Variants in PYROXD2 observed in about 807,000 individuals in gnomAD.
PYROXD2 encodes the protein pyridine nucleotide-disulphide oxidoreductase domain 2, also known as pyridine nucleotide-disulfide oxidoreductase domain-containing protein 2.
A neutral mutation model predicts 71.1 loss-of-function variants in PYROXD2; 69 were observed. That is an observed-to-expected ratio of 0.97 (90% CI 0.80 to 1.19). The LOEUF is 1.19. PYROXD2 is among the 50% of genes most tolerant of loss of function. The pLI, the probability that PYROXD2 is intolerant of heterozygous loss-of-function variation, is 0.00. For synonymous variants in PYROXD2, 287 were observed against 302.7 expected (o/e 0.95, Z 0.54); for missense variants, 745 against 748.9 (o/e 0.99, Z 0.06).
chr10:98,408,826 C>T (rs1468539182), intron 2 of PYROXD2, among the ~76,000 whole-genome samples: 1 of 152,202 alleles, frequency 6.6e-6, no homozygotes, highest in Non-Finnish European at 1.5e-5. Flanking sequence ...CTATTATGTG[C>T]CAGAAGCAGT....
chr10:98,387,229 A>C lies in PYROXD2; in HGVS notation c.1526T>G (p.Leu509Trp), dbSNP rs1413661031. The change falls in exon 14 of 16, where the codon TTG becomes TGG. Residue 509 changes from leucine (L) to tryptophan (W), a missense_variant. Transcript: ENST00000370575. ...TCCAGGAAGCCCGAAGATTCTCTCC[A>C]AATCTGGTGGTGTGAGGATGTCTCT... is the stretch of plus-strand genomic sequence containing the variant. ...VGRDILTPPD[L>W]ERIFGLPGGN... The C allele has an allele frequency of 6.8e-6, 11 of 1,614,154 alleles. No homozygotes were observed. The highest frequency in any genetic ancestry group is 9.3e-6 in the Non-Finnish European group (11 of 1,179,988).
chr10:98,390,796 G>T, intron 11 of PYROXD2, 42 bp from the exon 12 acceptor site: 3 of 1,540,570 alleles, frequency 1.9e-6, no homozygotes, highest in Non-Finnish European at 2.6e-6. Flanking sequence ...GCCCCACAAG[G>T]TCCTCCCTCT....
intron 4 of PYROXD2, among the ~76,000 whole-genome samples, chr10:98,405,519 G>C (rs1263807787): frequency 9.2e-5 from 14 of 152,214 alleles, no homozygotes; most frequent in Admixed American, 9.2e-4. Flanking sequence ...CTGTGCACCA[G>C]GCACTGTGCT....
rs149740745 is a variant in PYROXD2 at position 98,407,293 on chromosome 10, G to T, written c.315+289C>A. 3.3e-5 allele frequency among the ~76,000 whole-genome samples: 5 copies of T among 152,202 alleles called. No homozygotes were observed. In the East Asian group the frequency reaches 9.6e-4, roughly 29 times the overall value. ...GCAGCTGTAAGCTCAGGCGCCCAAG[G>T]CTTCAGATAGGTGTCCCACGTGGGC... On this transcript the variant is annotated intron_variant, in intron 4 of 15. Transcript: ENST00000370575.
chr10:98,387,144 G>T lies in PYROXD2; in HGVS notation c.1554+57C>A, dbSNP rs951600978. The T allele has an allele frequency of 3.0e-6, 4 of 1,313,850 alleles. No individual in the cohort carries two copies. In the Admixed American group the frequency reaches 7.1e-5, roughly 23 times the overall value. The allele number at this position is 1,313,850 out of a possible 1,614,324, so 81.4% of individuals were successfully genotyped here. A position where few individuals can be genotyped will look rare whatever the true frequency, so the allele number is the denominator to read the frequency against. ...AGATAAAGCAGAGAGGTCATAGCCA[G>T]GAAGTGAGGGTGCAGAGGGAAGGCT... On this transcript the variant is annotated intron_variant, in intron 14 of 15. Transcript: ENST00000370575.
intron 13 of PYROXD2, among the ~76,000 whole-genome samples, chr10:98,387,567 G>T (rs1842794859): frequency 1.3e-5 from 2 of 150,838 alleles, no homozygotes; most frequent in Admixed American, 1.3e-4. Context: ...TAAACACGAA[G>T]CTGCTGATCT....
intron 8 of PYROXD2, among the ~76,000 whole-genome samples, chr10:98,394,260 C>T (rs1277080679): frequency 3.3e-5 from 5 of 152,140 alleles, no homozygotes; most frequent in African/African-American, 4.8e-5. Context: ...ACTGGTTAAG[C>T]CTCCCAGGGA....
chr10:98,402,653 C>T lies in PYROXD2; in HGVS notation c.316-2396G>A, dbSNP rs552424276. ...TCTGCTGTCGAGAGGCTTCCTTCTC[C>T]AGATCCGTGGCCTGCAACCTCACGA... On this transcript the variant is annotated intron_variant, in intron 4 of 15. Coordinates refer to ENST00000370575, the MANE Select transcript of PYROXD2 (RefSeq NM_032709.3). 2.1e-4 allele frequency among the ~76,000 whole-genome samples: 32 copies of T among 152,382 alleles called. No homozygotes were observed. In the South Asian group the frequency reaches 6.6e-3, roughly 32 times the overall value.
At chr10:98,405,465 G>A (rs1487996726) in intron 4 of PYROXD2, among the ~76,000 whole-genome samples, 3 of 152,226 alleles carry the variant, frequency 2.0e-5, no homozygotes, top group African/African-American at 7.2e-5. Context: ...GTTTTCTCAA[G>A]TGCCAAATGG....
At chr10:98,397,537 T>A in intron 5 of PYROXD2, 39 bp from the exon 6 acceptor site, 1 of 1,526,396 alleles carries the variant, frequency 6.6e-7, no homozygotes, top group Non-Finnish European at 8.9e-7. Flanking sequence ...ACTGTCCACA[T>A]CCCTGCCCTC....
intron 14 of PYROXD2, among the ~76,000 whole-genome samples, chr10:98,386,388 C>T (rs1439425485): frequency 6.6e-6 from 1 of 150,862 alleles, no homozygotes; most frequent in Non-Finnish European, 1.5e-5. Context: ...AAACTAATGT[C>T]AATAATATAT....
At position 98,390,627 on chromosome 10, in the gene PYROXD2, T is replaced by A. The variant is rs771125876; in HGVS notation, c.1263A>T (p.Glu421Asp). Reference sequence around the variant, plus strand: ...GGGAAGGCAGGCCATCCATGGCATCTTCAAAGGCCTGATGAAGGAGGAGGG... The same window carrying A: ...GGGAAGGCAGGCCATCCATGGCATCATCAAAGGCCTGATGAAGGAGGAGGG... ...EDTLLLHQAF[E>D]DAMDGLPSHR... The change falls in exon 12 of 16, where the codon GAA becomes GAT. Residue 421 changes from glutamate (E) to aspartate (D), a missense_variant. Physicochemically the swap from Glu to Asp is conservative, Grantham distance 45. Coordinates refer to ENST00000370575, the MANE Select transcript of PYROXD2 (RefSeq NM_032709.3). 2.5e-6 allele frequency: 4 copies of A among 1,605,936 alleles called. No individual in the cohort carries two copies. In the East Asian group the frequency reaches 8.9e-5, roughly 36 times the overall value.
intron 6 of PYROXD2, 99 bp downstream of exon 6, chr10:98,397,246 G>C: frequency 7.0e-7 from 1 of 1,432,002 alleles, no homozygotes; most frequent in Non-Finnish European, 9.3e-7. Context: ...CAGCTGGCAG[G>C]CTGCCATGGA....
chr10:98,394,559 C>CAT (rs976294125), intron 8 of PYROXD2, among the ~76,000 whole-genome samples: 2 of 151,884 alleles, frequency 1.3e-5, no homozygotes, highest in African/African-American at 4.8e-5. Context: ...CACACACACA[C>CAT]ACACACACAC....
Position 98,404,613 on chromosome 10 carries a change from A to G in PYROXD2, c.315+2969T>C, listed in dbSNP as rs573659015. Reference sequence around the variant, plus strand: ...AGCAAACCCTTCTTTTATTTACCCCATGAGAGTTCTCAGCATGCACAGTCA... The same window carrying G: ...AGCAAACCCTTCTTTTATTTACCCCGTGAGAGTTCTCAGCATGCACAGTCA... On this transcript the variant is annotated intron_variant, in intron 4 of 15. Coordinates refer to ENST00000370575, the MANE Select transcript of PYROXD2 (RefSeq NM_032709.3). Among the ~76,000 whole-genome samples, 3 of 152,238 alleles carry G rather than the reference A, an allele frequency of 2.0e-5. No homozygotes were observed. In the East Asian group the frequency reaches 5.8e-4, roughly 29 times the overall value.
In PYROXD2 at chr10:98,383,635, A is replaced by G. The variant is rs1842658408; in HGVS notation, c.*163T>C. On this transcript the variant is annotated 3_prime_UTR_variant, in exon 16 of 16. Transcript: ENST00000370575. ...GTATGGAGGCATGGGCATAAGGTCA[A>G]CTTGCACTAAATGTAACTCGTACGT... The G allele has an allele frequency of 4.3e-6, 3 of 693,132 alleles. No homozygotes were observed. The highest frequency in any genetic ancestry group is 7.9e-6 in the Non-Finnish European group (3 of 380,260). 42.9% of individuals were successfully genotyped at this position (693,132 alleles called of 1,614,324 possible).
At chr10:98,397,785 G>A (rs1246952318) in intron 5 of PYROXD2, among the ~76,000 whole-genome samples, 1 of 151,944 alleles carries the variant, frequency 6.6e-6, no homozygotes, top group Non-Finnish European at 1.5e-5. Context: ...AACACGAAGT[G>A]TCACCCACAG....
chr10:98,403,217 G>T (rs751578422), intron 4 of PYROXD2, among the ~76,000 whole-genome samples: 1 of 152,168 alleles, frequency 6.6e-6, no homozygotes, highest in African/African-American at 2.4e-5. Flanking sequence ...TTCCAGCTTC[G>T]TTCTTCTTAA....
intron 1 of PYROXD2, among the ~76,000 whole-genome samples, chr10:98,413,298 C>T (rs1281116835): frequency 6.6e-6 from 1 of 152,160 alleles, no homozygotes; most frequent in African/African-American, 2.4e-5. Context: ...TGGGAAAATG[C>T]TAATAATGCA....
Sources: allele counts gnomAD v4.1 joint callset (sites outside exome capture counted in the v4.1 genomes callset), GRCh38; gene constraint gnomAD v4.1.1; transcripts MANE v1.5; gene names NCBI Gene and HGNC (gene_info 2026-07-23, HGNC 2026-07-21).